Variants in CNGA3 observed in about 807,000 individuals in gnomAD.
The protein encoded by CNGA3 is cyclic nucleotide-gated channel alpha-3.
Under a neutral mutation model 46.6 loss-of-function variants are expected in CNGA3, and 42 were observed. The observed-to-expected ratio is 0.90, with a 90% CI of 0.70 to 1.17. The LOEUF is 1.17. Ranked by LOEUF, CNGA3 falls within the 50% of genes most tolerant of loss-of-function variation. CNGA3 has a pLI of 0.00. For synonymous variants in CNGA3, 394 were observed against 369.4 expected, an observed-to-expected ratio of 1.07 and a Z score of -0.76; for missense variants, 893 against 890.7, an observed-to-expected ratio of 1.00 and a Z score of -0.03.
intron 4 of CNGA3, among the ~76,000 whole-genome samples, chr2:98,382,665 C>T (rs1252578285): frequency 2.6e-5 from 4 of 152,146 alleles, no homozygotes; most frequent in African/African-American, 4.8e-5. Context: ...TGTGTTCTGG[C>T]GGTCAGAGAT....
chr2:98,394,654 C>T (rs9631039), intron 7 of CNGA3, among the ~76,000 whole-genome samples: 5,296 of 152,082 alleles, frequency 0.035, 312 homozygotes, highest in African/African-American at 0.12. Flanking sequence ...TGTTTTTGCT[C>T]TTTTGTTTCA....
At chr2:98,362,499 G>T (rs6726907) in intron 1 of CNGA3, among the ~76,000 whole-genome samples, 34,238 of 148,820 alleles carry the variant, frequency 0.23, 4,299 homozygotes, top group Non-Finnish European at 0.3. Flanking sequence ...TTTTAATGTT[G>T]TTTTTTTTTT....
chr2:98,356,442 T>C (rs1476373329), intron 1 of CNGA3, among the ~76,000 whole-genome samples: 1 of 152,138 alleles, frequency 6.6e-6, no homozygotes, highest in African/African-American at 2.4e-5. Flanking sequence ...CCATCAAGAC[T>C]CTGTACTCTG....
Position 98,396,406 on chromosome 2 carries a change from G to C in CNGA3, c.1236G>C (p.Glu412Asp). The change falls in exon 8 of 8, where the codon GAG becomes GAC. Residue 412 changes from glutamate to aspartate, a missense_variant. Coordinates refer to ENST00000272602, the MANE Select transcript of CNGA3 (RefSeq NM_001298.3). ...MISNMNASRAEFQAKIDSIKQ... is the reference protein window; with the variant it reads ...MISNMNASRADFQAKIDSIKQ... ...CGAATATGAATGCCTCACGGGCAGA[G>C]TTCCAGGCCAAGATTGATTCCATCA... is the stretch of plus-strand genomic sequence containing the variant. 1 of 1,613,968 alleles carries C rather than the reference G, an allele frequency of 6.2e-7. No homozygotes were observed. Among genetic ancestry groups the C allele is most frequent in the Non-Finnish European group, 8.5e-7 (1 of 1,180,028 alleles).
At chr2:98,392,474 C>T (rs1261299632) in intron 7 of CNGA3, among the ~76,000 whole-genome samples, 4 of 151,790 alleles carry the variant, frequency 2.6e-5, no homozygotes, top group Non-Finnish European at 1.5e-5. Flanking sequence ...GCAGGAGAAT[C>T]GCTTGAACCC....
Position 98,380,389 on chromosome 2 carries a change from C to A in CNGA3, c.395+35C>A. ...GGAAAAGAAGAAGGGGCCTCTGGTG[C>A]CTGCTGGGGCCAGGCAGGAAGCCTG... On this transcript the variant is annotated intron_variant, in intron 4 of 7. Coordinates refer to ENST00000272602, the MANE Select transcript of CNGA3 (RefSeq NM_001298.3). 3 of 1,597,860 alleles carry A rather than the reference C, an allele frequency of 1.9e-6. No individual in the cohort carries two copies. In the South Asian group the frequency reaches 3.4e-5, roughly 18 times the overall value.
chr2:98,350,013 G>A (rs1340555897), intron 1 of CNGA3, among the ~76,000 whole-genome samples: 1 of 152,206 alleles, frequency 6.6e-6, no homozygotes, highest in East Asian at 1.9e-4. Context: ...ACTCTTTCCT[G>A]AACTCGGCCT....
intron 5 of CNGA3, among the ~76,000 whole-genome samples, chr2:98,385,738 T>G (rs772126679): frequency 9.2e-5 from 14 of 152,170 alleles, no homozygotes; most frequent in Non-Finnish European, 1.9e-4. Context: ...TTAATTGGCT[T>G]GAGGTACTGC....
rs1558821682 is a variant in CNGA3, at chr2:98,397,922, T to C, written c.*667T>C. On this transcript the variant is annotated 3_prime_UTR_variant, in exon 8 of 8. Transcript: ENST00000272602. ...GTTCAGCCACTGTGAAACCAGAATC[T>C]GCTTCACAGAAAAAAGCATCTCAGT... 1 of 153,514 alleles carries C rather than the reference T, an allele frequency of 6.5e-6. No homozygotes were observed. The highest frequency in any genetic ancestry group is 1.4e-5 in the Non-Finnish European group (1 of 68,972). 9.5% of individuals were successfully genotyped at this position (153,514 alleles called of 1,614,324 possible). A position where few individuals can be genotyped will look rare whatever the true frequency, so the allele number is the denominator to read the frequency against.
chr2:98,377,498 G>T (rs1234460475), intron 2 of CNGA3, 189 bp from the exon 3 acceptor site: 2 of 617,114 alleles, frequency 3.2e-6, no homozygotes, highest in South Asian at 1.8e-5. Flanking sequence ...GTAAAGGAAA[G>T]GCCACGTTTA....
chr2:98,395,028 C>T (rs1472273908), intron 7 of CNGA3, among the ~76,000 whole-genome samples: 1 of 152,174 alleles, frequency 6.6e-6, no homozygotes, highest in Non-Finnish European at 1.5e-5. Flanking sequence ...TGCTCTGTCC[C>T]CTTTAAGTAT....
chr2:98,361,801 G>A (rs905169856), intron 1 of CNGA3, among the ~76,000 whole-genome samples: 5 of 145,146 alleles, frequency 3.4e-5, no homozygotes, highest in East Asian at 2.1e-4. Flanking sequence ...TCCACCTCCC[G>A]AGCTCACACC....
intron 1 of CNGA3, among the ~76,000 whole-genome samples, chr2:98,368,294 C>T (rs1692208632): frequency 6.6e-6 from 1 of 152,210 alleles, no homozygotes; most frequent in Non-Finnish European, 1.5e-5. Flanking sequence ...TAACTGAGTC[C>T]TGGAGTGAGT....
chr2:98,389,616 C>T, intron 5 of CNGA3, 42 bp from the exon 6 acceptor site: 19 of 1,554,644 alleles, frequency 1.2e-5, no homozygotes, highest in Non-Finnish European at 1.7e-5. Context: ...AAGCTACAGT[C>T]TTGGAGCACA....
intron 1 of CNGA3, among the ~76,000 whole-genome samples, chr2:98,348,866 G>A (rs1251702946): frequency 3.9e-5 from 6 of 152,300 alleles, no homozygotes; most frequent in South Asian, 4.1e-4. Flanking sequence ...CCTGCATTCC[G>A]GGTGTAAATG....
chr2:98,371,626 G>T (rs1183084968), intron 2 of CNGA3, among the ~76,000 whole-genome samples: 2 of 152,312 alleles, frequency 1.3e-5, no homozygotes, highest in African/African-American at 2.4e-5. Context: ...GCATCAGAAA[G>T]TTCCATCCTA....
rs374834480 is a variant in CNGA3 at position 98,397,171 on chromosome 2, C to G, written c.2001C>G (p.Ser667Arg). 7 of 1,614,020 alleles carry G rather than the reference C, an allele frequency of 4.3e-6. No homozygotes were observed. The African/African-American group carries it at 8.0e-5, about 18-fold the overall frequency. Reference sequence around the variant, plus strand: ...AGCAGCGTCTCAGCCAACTGGAAAGCCAGGTGAAGGGTGGTGGGGACAAGC... The same window carrying G: ...AGCAGCGTCTCAGCCAACTGGAAAGGCAGGTGAAGGGTGGTGGGGACAAGC... ...KMKQRLSQLESQVKGGGDKPL... is the reference protein window; with the variant it reads ...KMKQRLSQLERQVKGGGDKPL... Residue 667 changes from serine to arginine, a missense_variant, in exon 8 of 8, where the codon AGC becomes AGG. This residue lies in a region of CNGA3 where 548 missense variants were observed against 570.8 expected (regional missense o/e 0.96). Transcript: ENST00000272602.
Position 98,396,668 on chromosome 2 carries a change from C to G in CNGA3, c.1498C>G (p.Pro500Ala). The part of the protein sequence containing the change: ...LLVELVLKLR[P>A]TVFSPGDYIC... Reference sequence around the variant, plus strand: ...GGTGGAGCTGGTGCTGAAGCTGCGACCCACTGTGTTCAGCCCTGGGGATTA... The same window carrying G: ...GGTGGAGCTGGTGCTGAAGCTGCGAGCCACTGTGTTCAGCCCTGGGGATTA... The change falls in exon 8 of 8, where the codon CCC (proline) becomes GCC (alanine). Residue 500 changes from proline (P) to alanine (A), a missense_variant. Pro to Ala is a conservative substitution (Grantham distance 27, BLOSUM62 -1). Around this residue, in one of 3 missense-constraint regions of CNGA3, gnomAD observed 548 missense variants for 570.8 expected, o/e 0.96. Coordinates refer to ENST00000272602, the MANE Select transcript of CNGA3 (RefSeq NM_001298.3). 1 of 1,614,100 alleles carries G rather than the reference C, an allele frequency of 6.2e-7. No homozygotes were observed. Among genetic ancestry groups the G allele is most frequent in the Non-Finnish European group, 8.5e-7 (1 of 1,180,028 alleles).
chr2:98,356,539 A>T (rs1691883543), intron 1 of CNGA3, among the ~76,000 whole-genome samples: 2 of 152,294 alleles, frequency 1.3e-5, no homozygotes, highest in East Asian at 3.9e-4. Context: ...CTGGCTGAAT[A>T]GAGTCTCCTC....
Sources: allele counts gnomAD v4.1 joint callset (sites outside exome capture counted in the v4.1 genomes callset), GRCh38; gene constraint gnomAD v4.1.1; regional missense constraint gnomAD v4.1.1; transcripts MANE v1.5; gene names NCBI Gene and HGNC (gene_info 2026-07-23, HGNC 2026-07-21).